Variants in FCHO1 observed in about 807,000 individuals in gnomAD.
FCHO1 encodes FCH and mu domain containing endocytic adaptor 1, also known as F-BAR domain only protein 1.
Under a neutral mutation model 114.4 loss-of-function variants are expected in FCHO1, and 45 were observed. The ratio of observed to expected loss-of-function variants is 0.39; its 90% CI spans 0.31 to 0.50. The LOEUF is 0.50. Among genes scored for constraint, FCHO1 ranks in the 20% least tolerant of loss-of-function variants. The probability of loss-of-function intolerance (pLI) is 0.77; values close to 1 mark genes in which losing one functional copy is unlikely to be tolerated. For missense variants in FCHO1, 1,042 were observed against 1,209.6 expected (o/e 0.86, Z 2.06); for synonymous variants, 480 against 488.9 (o/e 0.98, Z 0.24).
intron 7 of FCHO1, among the ~76,000 whole-genome samples, chr19:17,770,057 T>C (rs953580394): frequency 6.6e-6 from 1 of 152,068 alleles, no homozygotes; most frequent in African/African-American, 2.4e-5. Context: ...GCCAGCACTT[T>C]GGGAGGCCAA....
In FCHO1 at chr19:17,784,698, C is replaced by G; in HGVS notation, c.2227-27C>G. On this transcript the variant is annotated intron_variant, in intron 25 of 28. Coordinates refer to ENST00000596536, the MANE Select transcript of FCHO1 (RefSeq NM_015122.3). The surrounding 1 kb of genome is among the most constrained non-coding windows in gnomAD (Gnocchi z 5.3). ...CAAGACAGGATGGCCCAAGCTGTGTCCTCTCTCTCATTCTCATTCTTCCTA... is the reference window on the plus strand; with the variant it reads ...CAAGACAGGATGGCCCAAGCTGTGTGCTCTCTCTCATTCTCATTCTTCCTA... The G allele has an allele frequency of 3.1e-6, 5 of 1,606,266 alleles. No homozygotes were observed. The highest frequency in any genetic ancestry group is 4.3e-6 in the Non-Finnish European group (5 of 1,173,592).
chr19:17,774,720 C>T (rs1303731998), intron 13 of FCHO1: 10 of 588,794 alleles, frequency 1.7e-5, no homozygotes, highest in East Asian at 1.7e-4. Flanking sequence ...ATTGCCTGTC[C>T]CAGAGTAACG....
chr19:17,784,284 G>A lies in FCHO1; in HGVS notation c.2226+49G>A, dbSNP rs117046154. 179 of 1,550,654 alleles carry A rather than the reference G, an allele frequency of 1.2e-4. 1 individual carries two copies. The highest frequency in any genetic ancestry group is 1.1e-3 in the South Asian group (98 of 85,262). On this transcript the variant is annotated intron_variant, in intron 25 of 28. Coordinates refer to ENST00000596536, the MANE Select transcript of FCHO1 (RefSeq NM_015122.3). This position sits in a 1 kb window ranked among gnomAD's most constrained non-coding sequence, Gnocchi z 5.3. ...GAGGAGGTGGTGGAGTGGGGGACAC[G>A]GTGAGCCGGCAGCAGACATGGAGGC...
At chr19:17,774,013 C>T (rs76855150) in intron 11 of FCHO1, among the ~76,000 whole-genome samples, 2 of 151,762 alleles carry the variant, frequency 1.3e-5, no homozygotes, top group African/African-American at 2.4e-5. Context: ...TGGGTTCAAG[C>T]GATTCTCCTG....
rs1256257048 is a variant in FCHO1, at chr19:17,772,656, A to T, written c.705A>T (p.Glu235Asp). 2.5e-6 allele frequency: 4 copies of T among 1,614,050 alleles called. No homozygotes were observed. The highest frequency in any genetic ancestry group is 3.4e-6 in the Non-Finnish European group (4 of 1,179,992). ...THVQIGQVHE[E>D]FKQNIENVSV... ...CCCACCCGGCACAGGTGCATGAGGA[A>T]TTTAAGCAGAACATCGAGAACGTCA... The change falls in exon 11 of 29, where the codon GAA becomes GAT. Residue 235 changes from glutamate (E) to aspartate (D), a missense_variant. By Grantham distance (45) the Glu-to-Asp change is conservative. Around this residue, in one of 3 missense-constraint regions of FCHO1, gnomAD observed 450 missense variants for 564.1 expected, o/e 0.80. Transcript: ENST00000596536.
At chr19:17,757,025 C>G (rs1278847608) in intron 4 of FCHO1, among the ~76,000 whole-genome samples, 1 of 151,892 alleles carries the variant, frequency 6.6e-6, no homozygotes, top group Non-Finnish European at 1.5e-5. Context: ...CCCATCTCTA[C>G]TAAAAATACA....
intron 4 of FCHO1, among the ~76,000 whole-genome samples, chr19:17,757,727 C>T (rs2084221388): frequency 6.6e-6 from 1 of 152,034 alleles, no homozygotes; most frequent in South Asian, 2.1e-4. Context: ...CCAGCCTGGG[C>T]AACATAGCAA....
chr19:17,781,194 C>T (rs1316130403), intron 20 of FCHO1, 37 bp from the exon 21 acceptor site: 16 of 1,482,738 alleles, frequency 1.1e-5, no homozygotes, highest in South Asian at 2.4e-5. Flanking sequence ...AGGCCCCGGG[C>T]AGCATCTCAG....
At chr19:17,760,144 C>T (rs932757742) in intron 4 of FCHO1, among the ~76,000 whole-genome samples, 3 of 151,854 alleles carry the variant, frequency 2.0e-5, no homozygotes, top group South Asian at 2.1e-4. Context: ...CTCTGCCTCC[C>T]GGGTTCAAGC....
In FCHO1 at chr19:17,784,939, G is replaced by A. The variant is rs1212565425; in HGVS notation, c.2426+15G>A. The A allele has an allele frequency of 1.2e-6, 2 of 1,606,524 alleles. No homozygotes were observed. Among genetic ancestry groups the A allele is most frequent in the Non-Finnish European group, 1.7e-6 (2 of 1,179,760 alleles). On this transcript the variant is annotated intron_variant, in intron 26 of 28. Transcript: ENST00000596536. This position sits in a 1 kb window ranked among gnomAD's most constrained non-coding sequence, Gnocchi z 5.3. Reference sequence around the variant, plus strand: ...GCTGCCACCTGGTGAGGGCTTGCGGGAGGCCAAGGAAAACTCAGCAGTTTC... The same window carrying A: ...GCTGCCACCTGGTGAGGGCTTGCGGAAGGCCAAGGAAAACTCAGCAGTTTC...
chr19:17,784,992 T>A lies in FCHO1; in HGVS notation c.2426+68T>A. ...CCATAACCCCAGACCTTCTCCCTGA[T>A]GCATTGATTAAAGGGTGCACCCTCG... On this transcript the variant is annotated intron_variant, in intron 26 of 28. Coordinates refer to ENST00000596536, the MANE Select transcript of FCHO1 (RefSeq NM_015122.3). This position sits in a 1 kb window ranked among gnomAD's most constrained non-coding sequence, Gnocchi z 5.3. 1 of 1,496,442 alleles carries A rather than the reference T, an allele frequency of 6.7e-7. No homozygotes were observed. Among genetic ancestry groups the A allele is most frequent in the Non-Finnish European group, 9.2e-7 (1 of 1,091,084 alleles). 92.7% of individuals were successfully genotyped at this position (1,496,442 alleles called of 1,614,324 possible). A position where few individuals can be genotyped will look rare whatever the true frequency, so the allele number is the denominator to read the frequency against.
intron 7 of FCHO1, among the ~76,000 whole-genome samples, chr19:17,767,623 T>C (rs915942172): frequency 6.6e-6 from 1 of 150,820 alleles, no homozygotes; most frequent in Non-Finnish European, 1.5e-5. Flanking sequence ...TTTACATTAT[T>C]AAAGGGTTAG....
Position 17,776,577 on chromosome 19 carries a change from A to C in FCHO1, c.1208-58A>C. On this transcript the variant is annotated intron_variant, in intron 17 of 28. Transcript: ENST00000596536. This position sits in a 1 kb window ranked among gnomAD's most constrained non-coding sequence, Gnocchi z 4.4. ...CGAGCCTCGGTCCCTTGGTCTGTGG[A>C]GTGGGGAGCATTGCAGGCAGGGTGA... The C allele has an allele frequency of 1.3e-6, 2 of 1,588,634 alleles. No homozygotes were observed. The highest frequency in any genetic ancestry group is 1.7e-4 in the Middle Eastern group (1 of 6,004).
chr19:17,769,580 AAC>A (rs71162199), intron 7 of FCHO1, among the ~76,000 whole-genome samples: 3,203 of 143,958 alleles, frequency 0.022, 61 homozygotes, highest in East Asian at 0.085. Context: ...CTTCGTCTCA[AAC>A]ACACACACAC....
intron 27 of FCHO1, among the ~76,000 whole-genome samples, chr19:17,787,444 G>C (rs554277061): frequency 6.6e-6 from 1 of 150,748 alleles, no homozygotes; most frequent in South Asian, 2.1e-4. Flanking sequence ...AGGAGAGGGC[G>C]TCCCAGGGCC....
intron 7 of FCHO1, among the ~76,000 whole-genome samples, chr19:17,769,577 TCAAACACACACA>T (rs1191742643): frequency 1.7e-5 from 2 of 114,432 alleles, no homozygotes; most frequent in African/African-American, 7.2e-5. Context: ...AGACTTCGTC[TCAAACACACACA>T]CACACACACA....
Position 17,781,213 on chromosome 19 carries a change from C to G in FCHO1, c.1628-18C>G. On this transcript the variant is annotated intron_variant, in intron 20 of 28. Coordinates refer to ENST00000596536, the MANE Select transcript of FCHO1 (RefSeq NM_015122.3). ...CCCGGGCAGCATCTCAGCAGTGCCTCTTTGTACTCGCTCCTAGACCTGATG... is the reference window on the plus strand; with the variant it reads ...CCCGGGCAGCATCTCAGCAGTGCCTGTTTGTACTCGCTCCTAGACCTGATG... 1 of 1,588,834 alleles carries G rather than the reference C, an allele frequency of 6.3e-7. No homozygotes were observed. Among genetic ancestry groups the G allele is most frequent in the Non-Finnish European group, 8.6e-7 (1 of 1,160,932 alleles).
intron 7 of FCHO1, 36 bp downstream of exon 7, chr19:17,766,846 G>A (rs772589046): frequency 2.5e-6 from 4 of 1,599,192 alleles, no homozygotes; most frequent in Non-Finnish European, 3.4e-6. Flanking sequence ...GGCTGGGTGG[G>A]TGTGGAACAC....
chr19:17,767,109 CAG>C (rs1272837893), intron 7 of FCHO1, among the ~76,000 whole-genome samples: 1 of 130,328 alleles, frequency 7.7e-6, no homozygotes, highest in African/African-American at 2.9e-5. Context: ...TTTTAAGAGA[CAG>C]GGTCTCACTC....
Sources: gnomAD v4.1 joint callset for allele counts (sites outside exome capture counted in the v4.1 genomes callset) on GRCh38, gnomAD v4.1.1 for gene constraint, gnomAD v4.1.1 regional missense constraint, Gnocchi (gnomAD v3.1) non-coding constraint, MANE v1.5 for transcripts, NCBI Gene and HGNC (gene_info 2026-07-23, HGNC 2026-07-21) for gene names.